Variants in LY96 observed in about 807,000 individuals in gnomAD.
LY96 encodes lymphocyte antigen 96.
In LY96, 18 loss-of-function variants were observed where a neutral mutation model predicts 18.9. The observed-to-expected ratio is 0.95, with a 90% CI of 0.66 to 1.41. LY96 has a LOEUF of 1.41. LY96 is among the 40% of genes most tolerant of loss of function. The pLI is 0.00. For missense variants in LY96, 175 were observed against 182.4 expected, an observed-to-expected ratio of 0.96 and a Z score of 0.23; for synonymous variants, 66 against 62.6, an observed-to-expected ratio of 1.06 and a Z score of -0.26.
the LY96 span, among the ~76,000 whole-genome samples, chr8:74,079,334 A>G: frequency 6.6e-6 from 1 of 152,306 alleles, no homozygotes. Context: ...CCAAAATTTC[A>G]TAATAAATCT....
At chr8:74,025,620 AC>A (rs1816853405) in intron 3 of LY96, among the ~76,000 whole-genome samples, 4 of 144,516 alleles carry the variant, frequency 2.8e-5, no homozygotes, top group African/African-American at 1.1e-4. Flanking sequence ...GTGCCACTGC[AC>A]TCCAGCCTGG....
chr8:74,041,135 A>G, the LY96 span, among the ~76,000 whole-genome samples: 1 of 152,184 alleles, frequency 6.6e-6, no homozygotes, highest in Non-Finnish European at 1.5e-5. Context: ...CCCAAATAAT[A>G]CTTTTATAAT....
chr8:74,054,617 C>CTTCTTTTTTTCTTTTTTTCTTTCTTTCT, the LY96 span, among the ~76,000 whole-genome samples: 54 of 70,172 alleles, frequency 7.7e-4, 1 homozygote, highest in African/African-American at 2.9e-3. Flanking sequence ...TTTCCTTTTC[C>CTTCTTTTTTTCTTTTTTTCTTTCTTTCT]TTCTTTCTTT....
intron 3 of LY96, among the ~76,000 whole-genome samples, chr8:74,017,644 C>A (rs1816672012): frequency 6.6e-6 from 1 of 152,104 alleles, no homozygotes; most frequent in South Asian, 2.1e-4. Flanking sequence ...TTAAGGGCAG[C>A]CAGAGAGAAA....
At chr8:74,092,090 T>C in the LY96 span, among the ~76,000 whole-genome samples, 6,120 of 152,292 alleles carry the variant, frequency 0.04, 177 homozygotes, top group Non-Finnish European at 0.059. Flanking sequence ...CCCTATAGTC[T>C]AGGGCTAGAA....
intron 1 of LY96, among the ~76,000 whole-genome samples, chr8:73,992,482 G>A (rs1266122780): frequency 6.6e-6 from 1 of 152,158 alleles, no homozygotes; most frequent in East Asian, 1.9e-4. Context: ...TGCAATAAAG[G>A]CACCTGTTTA....
chr8:74,027,106 T>C (rs1816887271), intron 4 of LY96, among the ~76,000 whole-genome samples: 1 of 151,890 alleles, frequency 6.6e-6, no homozygotes, highest in Admixed American at 6.6e-5. Context: ...TGCCAGCTAA[T>C]GTTTTGTACT....
chr8:74,063,470 G>A, the LY96 span, among the ~76,000 whole-genome samples: 1 of 151,982 alleles, frequency 6.6e-6, no homozygotes, highest in Non-Finnish European at 1.5e-5. Context: ...TTGTCCTGTG[G>A]TATTTTTTAT....
intron 3 of LY96, among the ~76,000 whole-genome samples, chr8:74,025,684 C>T: frequency 6.7e-6 from 1 of 148,726 alleles, no homozygotes; most frequent in Middle Eastern, 3.4e-3. Flanking sequence ...AAGATACACC[C>T]TTTATCTGCT....
At chr8:74,097,449 T>C in the LY96 span, among the ~76,000 whole-genome samples, 1 of 152,148 alleles carries the variant, frequency 6.6e-6, no homozygotes, top group Admixed American at 6.5e-5. Context: ...CATTGGCTCA[T>C]GGCTGTAATC....
chr8:73,992,836 C>CTGTGTGTG (rs34327741), intron 1 of LY96, among the ~76,000 whole-genome samples: 6,616 of 141,754 alleles, frequency 0.047, 186 homozygotes, highest in Middle Eastern at 0.095. Context: ...AATTATGCCA[C>CTGTGTGTG]TGTGTGTGTG....
Position 73,991,564 on chromosome 8 carries a change from AC to A in LY96, c.112+12del. 6.9e-7 allele frequency: 1 copy of A among 1,454,928 alleles called. No individual in the cohort carries two copies. The highest frequency in any genetic ancestry group is 1.1e-5 in the South Asian group (1 of 87,808). The allele number at this position is 1,454,928 out of a possible 1,614,324, so 90.1% of individuals were successfully genotyped here. ...TCATACACCTACTGTGGTAAGTAAAACCGCAAAACAAATAATTGTAGCATCA... is the reference window on the plus strand; with the variant it reads ...TCATACACCTACTGTGGTAAGTAAAACGCAAAACAAATAATTGTAGCATCA... On this transcript the variant is annotated intron_variant, in intron 1 of 4. Coordinates refer to ENST00000284818, the MANE Select transcript of LY96 (RefSeq NM_015364.5).
the LY96 span, chr8:74,048,809 A>AAAG: frequency 6.6e-6 from 1 of 150,486 alleles, no homozygotes; most frequent in Non-Finnish European, 1.5e-5. Context: ...GAAAAAGAAA[A>AAAG]AAAGAGAGAG....
chr8:74,041,071 G>A, the LY96 span, among the ~76,000 whole-genome samples: 30 of 152,182 alleles, frequency 2.0e-4, no homozygotes, highest in Admixed American at 2.6e-4. Flanking sequence ...CTGGAGCCGC[G>A]GCAGAGGAAC....
the LY96 span, among the ~76,000 whole-genome samples, chr8:74,081,302 C>A: frequency 6.7e-6 from 1 of 149,912 alleles, no homozygotes; most frequent in South Asian, 2.1e-4. Flanking sequence ...GTTGCCCAGG[C>A]TTAAGTGCAG....
chr8:74,024,354 T>C (rs963311780), intron 3 of LY96, among the ~76,000 whole-genome samples: 1 of 150,216 alleles, frequency 6.7e-6, no homozygotes, highest in Non-Finnish European at 1.5e-5. Flanking sequence ...TATTATATAA[T>C]ATATACATAT....
the LY96 span, among the ~76,000 whole-genome samples, chr8:74,068,983 CAG>C: frequency 2.0e-5 from 3 of 152,194 alleles, no homozygotes; most frequent in South Asian, 6.2e-4. Flanking sequence ...TTAGTAGAGA[CAG>C]GGTTTCACCA....
intron 3 of LY96, among the ~76,000 whole-genome samples, chr8:74,014,924 G>T (rs1816612497): frequency 1.3e-5 from 2 of 152,012 alleles, no homozygotes; most frequent in Non-Finnish European, 2.9e-5. Context: ...TAATAAGCCT[G>T]GGCTGGGCAC....
the LY96 span, among the ~76,000 whole-genome samples, chr8:74,091,178 T>C: frequency 3.3e-5 from 5 of 152,302 alleles, no homozygotes; most frequent in East Asian, 9.6e-4. Context: ...TGAGGTTGTG[T>C]GGGACATTCT....
Sources: allele counts gnomAD v4.1 joint callset (sites outside exome capture counted in the v4.1 genomes callset), GRCh38; gene constraint gnomAD v4.1.1; transcripts MANE v1.5; gene names NCBI Gene and HGNC (gene_info 2026-07-23, HGNC 2026-07-21).